PTPRT: variants seen among roughly 807,000 people sequenced by gnomAD.
PTPRT encodes protein tyrosine phosphatase receptor type T.
PTPRT carries 56 observed loss-of-function variants against 176.8 expected under a neutral mutation model. The observed-to-expected ratio is 0.32, with a 90% CI of 0.26 to 0.40. The LOEUF is 0.40. Among genes scored for constraint, PTPRT ranks in the 10% least tolerant of loss-of-function variants. The pLI, the probability that PTPRT is intolerant of heterozygous loss-of-function variation, is 1.00. For missense variants in PTPRT, 1,540 were observed against 1,908.2 expected (o/e 0.81, Z 3.60); for synonymous variants, 783 against 739.0 (o/e 1.06, Z -0.96).
At chr20:42,198,206 T>A (rs922102516) in intron 16 of PTPRT, among the ~76,000 whole-genome samples, 10 of 152,210 alleles carry the variant, frequency 6.6e-5, no homozygotes, top group Non-Finnish European at 1.5e-4. Context: ...CCAAACACAC[T>A]TAGCATTGCA....
rs1229159658 is a variant in PTPRT, at chr20:42,223,977, G to C, written c.2342+12252C>G. 2.0e-5 allele frequency among the ~76,000 whole-genome samples: 3 copies of C among 152,078 alleles called. No homozygotes were observed. The East Asian group carries it at 5.8e-4, about 29-fold the overall frequency. On this transcript the variant is annotated intron_variant, in intron 15 of 30. Coordinates refer to ENST00000373187, the MANE Select transcript of PTPRT (RefSeq NM_007050.6). ...AATCAAGTCTTTCATTAAAAACAGG[G>C]TTTTGACCACACTAATCTTTCCATT...
chr20:43,044,458 G>A (rs774496199), intron 1 of PTPRT, among the ~76,000 whole-genome samples: 6 of 152,104 alleles, frequency 3.9e-5, no homozygotes, highest in East Asian at 3.9e-4. Flanking sequence ...CTCCTGCTGC[G>A]ATCAGTACAT....
intron 2 of PTPRT, among the ~76,000 whole-genome samples, chr20:42,852,335 G>A (rs1240661281): frequency 6.6e-6 from 1 of 151,964 alleles, no homozygotes; most frequent in Non-Finnish European, 1.5e-5. Flanking sequence ...TTTTCATGTT[G>A]TTCCTGCATT....
intron 1 of PTPRT, among the ~76,000 whole-genome samples, chr20:43,158,614 C>T (rs2014595051): frequency 6.6e-6 from 1 of 152,202 alleles, no homozygotes; most frequent in South Asian, 2.1e-4. Context: ...ACTACACAGC[C>T]AGACCTCACT....
chr20:42,608,255 T>C (rs2073916426), intron 7 of PTPRT, among the ~76,000 whole-genome samples: 1 of 152,096 alleles, frequency 6.6e-6, no homozygotes, highest in South Asian at 2.1e-4. Context: ...CCCAGTCCCC[T>C]TGTCTGATGA....
In PTPRT at chr20:42,080,240, G is replaced by C. The variant is rs548586457; in HGVS notation, c.*639C>G. On this transcript the variant is annotated 3_prime_UTR_variant, in exon 31 of 31. Coordinates refer to ENST00000373187, the MANE Select transcript of PTPRT (RefSeq NM_007050.6). ...CACAGCTGGCCGGCCAGTGAATGCTGGACGGTCAAGGCCCAGGCTGGGGAA... is the reference window on the plus strand; with the variant it reads ...CACAGCTGGCCGGCCAGTGAATGCTCGACGGTCAAGGCCCAGGCTGGGGAA... 4.3e-6 allele frequency: 1 copy of C among 233,180 alleles called. No homozygotes were observed. The highest frequency in any genetic ancestry group is 5.6e-5 in the Admixed American group (1 of 17,800). The allele number at this position is 233,180 out of a possible 1,614,324, so 14.4% of individuals were successfully genotyped here. A position where few individuals can be genotyped will look rare whatever the true frequency, so the allele number is the denominator to read the frequency against.
chr20:42,885,748 T>C (rs1034240106), intron 2 of PTPRT, 59 bp downstream of exon 2: 25 of 1,562,296 alleles, frequency 1.6e-5, no homozygotes, highest in Non-Finnish European at 2.2e-5. Flanking sequence ...CTTCCCCCCA[T>C]GATTCACGGT....
intron 15 of PTPRT, among the ~76,000 whole-genome samples, chr20:42,225,770 G>C (rs1453746655): frequency 2.0e-5 from 3 of 151,994 alleles, no homozygotes; most frequent in Non-Finnish European, 4.4e-5. Context: ...CCTCTGCCTC[G>C]GCCTCCTGAG....
intron 6 of PTPRT, among the ~76,000 whole-genome samples, chr20:42,726,487 T>C (rs1600667449): frequency 6.6e-6 from 1 of 152,182 alleles, no homozygotes; most frequent in Non-Finnish European, 1.5e-5. Flanking sequence ...ATTGCTGAGG[T>C]GTTACCTGCA....
chr20:42,190,375 G>A (rs1990953146), intron 16 of PTPRT, among the ~76,000 whole-genome samples: 1 of 152,070 alleles, frequency 6.6e-6, no homozygotes, highest in Non-Finnish European at 1.5e-5. Context: ...TCCCAGATTC[G>A]GGGACCCTCA....
At chr20:42,450,852 G>C (rs924892177) in intron 8 of PTPRT, among the ~76,000 whole-genome samples, 2 of 152,152 alleles carry the variant, frequency 1.3e-5, no homozygotes, top group Non-Finnish European at 2.9e-5. Context: ...CAGACATTAA[G>C]CGATTATACT....
chr20:42,052,795 C>A, the PTPRT span, among the ~76,000 whole-genome samples: 1,556 of 152,252 alleles, frequency 0.01, 11 homozygotes, highest in Non-Finnish European at 0.018. Context: ...CAGGCTGGAG[C>A]TCCCTTGCTT....
At chr20:42,174,480 G>T (rs916592191) in intron 16 of PTPRT, among the ~76,000 whole-genome samples, 3 of 152,088 alleles carry the variant, frequency 2.0e-5, no homozygotes, top group Admixed American at 2.0e-4. Flanking sequence ...AATAAAACCC[G>T]GTATTGATAG....
At chr20:42,086,726 C>CAAAAA (rs367948746) in intron 27 of PTPRT, among the ~76,000 whole-genome samples, 8 of 82,206 alleles carry the variant, frequency 9.7e-5, no homozygotes, top group South Asian at 4.8e-4. Context: ...GACTCCATCT[C>CAAAAA]AAAAAAAAAA....
chr20:42,670,743 G>C (rs757055688), intron 7 of PTPRT, among the ~76,000 whole-genome samples: 1 of 152,190 alleles, frequency 6.6e-6, no homozygotes, highest in Admixed American at 6.5e-5. Context: ...TGACACGCAA[G>C]GGGGACGGGC....
At chr20:42,598,193 A>C (rs934232549) in intron 7 of PTPRT, among the ~76,000 whole-genome samples, 1 of 151,822 alleles carries the variant, frequency 6.6e-6, no homozygotes, top group African/African-American at 2.4e-5. Context: ...TGATGTATTA[A>C]GAGGAAATAG....
At chr20:42,129,333 A>G (rs1988016872) in intron 18 of PTPRT, among the ~76,000 whole-genome samples, 1 of 152,210 alleles carries the variant, frequency 6.6e-6, no homozygotes, top group Non-Finnish European at 1.5e-5. Context: ...CAATACTATC[A>G]TTAAAGTGAG....
chr20:43,034,448 A>C (rs182218966), intron 1 of PTPRT, among the ~76,000 whole-genome samples: 9 of 152,096 alleles, frequency 5.9e-5, no homozygotes, highest in Non-Finnish European at 5.9e-5. Flanking sequence ...CTGCAGAAAA[A>C]GTCAGGACTC....
chr20:42,703,370 T>C (rs2076002553), intron 6 of PTPRT, among the ~76,000 whole-genome samples: 1 of 151,080 alleles, frequency 6.6e-6, no homozygotes, highest in South Asian at 2.1e-4. Context: ...AAAACAAAGA[T>C]AGTAGAAAAG....
Sources: allele counts gnomAD v4.1 joint callset (sites outside exome capture counted in the v4.1 genomes callset), GRCh38; gene constraint gnomAD v4.1.1; transcripts MANE v1.5; gene names NCBI Gene and HGNC (gene_info 2026-07-23, HGNC 2026-07-21).